SLF1: variants seen among roughly 807,000 people sequenced by gnomAD.
The protein encoded by SLF1 is SMC5/6 complex localization factor 1, also known as SMC5-SMC6 complex localization factor protein 1.
SLF1 carries 105 observed loss-of-function variants against 123.0 expected under a neutral mutation model. That is an observed-to-expected ratio of 0.85 (90% CI 0.73 to 1.00). The LOEUF is 1.00. SLF1 is among the 50% of genes least tolerant of loss of function. The probability of loss-of-function intolerance (pLI) is 0.00; values close to 1 mark genes in which losing one functional copy is unlikely to be tolerated. For missense variants in SLF1, 1,239 were observed against 1,223.0 expected, an observed-to-expected ratio of 1.01 and a Z score of -0.20; for synonymous variants, 434 against 406.6, an observed-to-expected ratio of 1.07 and a Z score of -0.81.
chr5:94,653,854 CTT>C (rs11338723), intron 8 of SLF1, among the ~76,000 whole-genome samples: 148 of 147,992 alleles, frequency 1.0e-3, no homozygotes, highest in African/African-American at 2.1e-3. Context: ...TGGAGTATGA[CTT>C]TTTTTTTTTT....
rs531876756 is a variant in SLF1, at chr5:94,666,376, A to G, written c.1532+352A>G. ...AGTTTTTGTCACCAAAAGTGTAGAC[A>G]TTTGTAACTATAGTATCTATTTTAG... On this transcript the variant is annotated intron_variant, in intron 12 of 20. Transcript: ENST00000265140. Among the ~76,000 whole-genome samples the G allele has an allele frequency of 1.1e-4, 17 of 152,352 alleles. No homozygotes were observed. The East Asian group carries it at 2.5e-3, about 22-fold the overall frequency.
At chr5:94,664,765 AGAAGG>A (rs1158029521) in intron 11 of SLF1, among the ~76,000 whole-genome samples, 1 of 152,188 alleles carries the variant, frequency 6.6e-6, no homozygotes, top group East Asian at 1.9e-4. Context: ...TAGTGTTAAT[AGAAGG>A]GATTACCCAA....
chr5:94,671,173 G>A (rs1750397122), intron 14 of SLF1, among the ~76,000 whole-genome samples, 165 bp downstream of exon 14: 1 of 151,744 alleles, frequency 6.6e-6, no homozygotes, highest in South Asian at 2.1e-4. Flanking sequence ...AAGGTCCTTG[G>A]AGACTGGTTC....
intron 1 of SLF1, among the ~76,000 whole-genome samples, chr5:94,626,693 A>T (rs944022032): frequency 6.6e-6 from 1 of 152,194 alleles, no homozygotes; most frequent in African/African-American, 2.4e-5. Flanking sequence ...TTTGATATGG[A>T]ACCATAGTGT....
chr5:94,619,457 A>G (rs1013849012), intron 1 of SLF1, among the ~76,000 whole-genome samples: 8 of 151,810 alleles, frequency 5.3e-5, no homozygotes, highest in Non-Finnish European at 1.2e-4. Context: ...CTATTTTAAG[A>G]TTTCTTCCAC....
intron 12 of SLF1, among the ~76,000 whole-genome samples, chr5:94,666,512 C>A (rs901997138): frequency 2.6e-5 from 4 of 152,160 alleles, no homozygotes; most frequent in African/African-American, 7.2e-5. Flanking sequence ...ACTGCCTAGA[C>A]CTTCCTCTGT....
In SLF1 at chr5:94,697,534, A is replaced by G. The variant is rs2152501644; in HGVS notation, c.*2222A>G. 1 of 151,984 alleles carries G rather than the reference A, an allele frequency of 6.6e-6. No individual in the cohort carries two copies. The highest frequency in any genetic ancestry group is 1.9e-4 in the East Asian group (1 of 5,156). The allele number at this position is 151,984 out of a possible 1,614,324, so 9.4% of individuals were successfully genotyped here. ...TGTATTTTGCCAGATGTGATATCAT[A>G]GTTCTATGGAATCATATTTTTTAAA... On this transcript the variant is annotated 3_prime_UTR_variant, in exon 21 of 21. Transcript: ENST00000265140.
At chr5:94,625,198 A>AT (rs1433698569) in intron 1 of SLF1, among the ~76,000 whole-genome samples, 2 of 141,086 alleles carry the variant, frequency 1.4e-5, no homozygotes, top group East Asian at 2.2e-4. Context: ...GTCTCAAAAA[A>AT]AAAAAAAAAA....
In SLF1 at chr5:94,653,299, A is replaced by G; in HGVS notation, c.910A>G (p.Ile304Val). ...QKEIKKKDEDIQRSYTLRRKR... is the reference protein window; with the variant it reads ...QKEIKKKDEDVQRSYTLRRKR... ...GGAAATTAAGAAAAAAGATGAAGAT[A>G]TTCAGAGGAGTTATACTTTGAGGAG... Residue 304 changes from isoleucine to valine, a missense_variant, in exon 8 of 21, where the codon ATT becomes GTT. Coordinates refer to ENST00000265140, the MANE Select transcript of SLF1 (RefSeq NM_032290.4). 1 of 1,532,166 alleles carries G rather than the reference A, an allele frequency of 6.5e-7. No individual in the cohort carries two copies. The highest frequency in any genetic ancestry group is 8.8e-7 in the Non-Finnish European group (1 of 1,140,522). 94.9% of individuals were successfully genotyped at this position (1,532,166 alleles called of 1,614,324 possible). A position where few individuals can be genotyped will look rare whatever the true frequency, so the allele number is the denominator to read the frequency against.
intron 3 of SLF1, among the ~76,000 whole-genome samples, chr5:94,630,089 T>TA (rs1177676137): frequency 6.6e-6 from 1 of 152,160 alleles, no homozygotes; most frequent in Non-Finnish European, 1.5e-5. Flanking sequence ...GCTGTTAGCA[T>TA]AGGAGGAAGA....
intron 12 of SLF1, among the ~76,000 whole-genome samples, chr5:94,667,025 G>A (rs568851647): frequency 2.1e-5 from 3 of 144,762 alleles, no homozygotes; most frequent in African/African-American, 7.7e-5. Flanking sequence ...AAGGACACCT[G>A]ACTAGCCATG....
At chr5:94,651,090 T>G (rs1190586845) in intron 6 of SLF1, among the ~76,000 whole-genome samples, 1 of 152,224 alleles carries the variant, frequency 6.6e-6, no homozygotes, top group African/African-American at 2.4e-5. Context: ...GTATCCTTTC[T>G]ATGTTTAGAT....
At chr5:94,662,975 A>G (rs570603914) in intron 10 of SLF1, among the ~76,000 whole-genome samples, 3 of 152,324 alleles carry the variant, frequency 2.0e-5, no homozygotes, top group African/African-American at 7.2e-5. Context: ...TAAATGTACA[A>G]CCTCAGAGTG....
chr5:94,681,279 G>A (rs1375577857), intron 15 of SLF1, among the ~76,000 whole-genome samples: 2 of 151,950 alleles, frequency 1.3e-5, no homozygotes, highest in Non-Finnish European at 2.9e-5. Flanking sequence ...ATAGGTGTAT[G>A]CCACCAAGCC....
At chr5:94,636,454 G>T (rs1489386056) in intron 4 of SLF1, among the ~76,000 whole-genome samples, 2 of 151,850 alleles carry the variant, frequency 1.3e-5, no homozygotes, top group East Asian at 3.9e-4. Context: ...CATCCTTTGG[G>T]TTTTTTTGCT....
At chr5:94,651,217 A>G (rs1747683223) in intron 6 of SLF1, among the ~76,000 whole-genome samples, 2 of 152,188 alleles carry the variant, frequency 1.3e-5, no homozygotes, top group Non-Finnish European at 2.9e-5. Flanking sequence ...TGTGTAGTAG[A>G]CTATACCATC....
chr5:94,651,650 A>T, intron 6 of SLF1, 52 bp from the exon 7 acceptor site: 1 of 1,396,440 alleles, frequency 7.2e-7, no homozygotes, highest in Non-Finnish European at 9.5e-7. Context: ...TGATTGTGTT[A>T]AGGCTATATT....
At chr5:94,686,476 C>T (rs1752444043) in intron 15 of SLF1, 97 bp from the exon 16 acceptor site, 1 of 1,333,084 alleles carries the variant, frequency 7.5e-7, no homozygotes. Flanking sequence ...TGTAAGAGCT[C>T]TCATTTGACA....
chr5:94,642,710 C>T (rs1300081066), intron 4 of SLF1, among the ~76,000 whole-genome samples: 2 of 151,880 alleles, frequency 1.3e-5, no homozygotes, highest in Admixed American at 6.6e-5. Context: ...TGTCTGTCTC[C>T]CTTGTGTGTG....
Sources: allele counts gnomAD v4.1 joint callset (sites outside exome capture counted in the v4.1 genomes callset), GRCh38; gene constraint gnomAD v4.1.1; transcripts MANE v1.5; gene names NCBI Gene and HGNC (gene_info 2026-07-23, HGNC 2026-07-21).